The following CBFA2T3 variants were observed in gnomAD, a reference collection of about 807,000 sequenced individuals.
The protein encoded by CBFA2T3 is CBFA2/RUNX1 partner transcriptional co-repressor 3.
In CBFA2T3, 31 loss-of-function variants were observed where a neutral mutation model predicts 58.6. The observed-to-expected ratio is 0.53, with a 90% CI of 0.40 to 0.71. CBFA2T3 has a LOEUF of 0.71. Among genes scored for constraint, CBFA2T3 ranks in the 30% least tolerant of loss-of-function variants. The pLI is 0.00. For synonymous variants in CBFA2T3, 531 were observed against 421.9 expected (o/e 1.26, Z -3.17); for missense variants, 1,076 against 963.1 (o/e 1.12, Z -1.55).
At chr16:88,893,062 A>G (rs891559129) in intron 3 of CBFA2T3, among the ~76,000 whole-genome samples, 5 of 152,168 alleles carry the variant, frequency 3.3e-5, no homozygotes, top group African/African-American at 7.2e-5. Context: ...CTGGAGGCAC[A>G]GGAGACTTGG....
Position 88,901,635 on chromosome 16 carries a change from T to C in CBFA2T3, c.173A>G (p.Lys58Arg). Residue 58 changes from lysine to arginine, a missense_variant, in exon 2 of 12, where the codon AAG becomes AGG. Transcript: ENST00000268679. ...GGPAPVDRKAKASAMPDSPAE... is the reference protein window; with the variant it reads ...GGPAPVDRKARASAMPDSPAE... ...TGGGGAGTCCGGCATCGCTGAGGCCTTAGCTTTCCTGTCCACTGGGGCTGC... is the reference window on the plus strand; with the variant it reads ...TGGGGAGTCCGGCATCGCTGAGGCCCTAGCTTTCCTGTCCACTGGGGCTGC... 6.5e-7 allele frequency: 1 copy of C among 1,532,126 alleles called. No individual in the cohort carries two copies. Among genetic ancestry groups the C allele is most frequent in the East Asian group, 2.6e-5 (1 of 38,278 alleles). 94.9% of individuals were successfully genotyped at this position (1,532,126 alleles called of 1,614,324 possible).
At chr16:88,941,613 ACGGGCGCGCCGCCTCCTGCGGGGGGCGG>A (rs1235096505) in intron 1 of CBFA2T3, among the ~76,000 whole-genome samples, 7 of 143,426 alleles carry the variant, frequency 4.9e-5, no homozygotes, top group African/African-American at 7.8e-5. Context: ...GGAGGGGGCG[ACGGGCGCGCCGCCTCCTGCGGGGGGCGG>A]CGCGGGGAGG....
chr16:88,952,058 C>T (rs972751334), intron 1 of CBFA2T3, among the ~76,000 whole-genome samples: 1 of 152,218 alleles, frequency 6.6e-6, no homozygotes, highest in Admixed American at 6.5e-5. Flanking sequence ...GCCCCAGCAG[C>T]CCCAGGAGCC....
chr16:88,941,995 T>G (rs1021832829), intron 1 of CBFA2T3, among the ~76,000 whole-genome samples: 2 of 150,768 alleles, frequency 1.3e-5, no homozygotes, highest in African/African-American at 4.9e-5. Flanking sequence ...CCGGCAGGGG[T>G]CGCGCTCCCC....
In CBFA2T3 at chr16:88,952,790, C is replaced by T. The variant is rs117960233; in HGVS notation, c.151+23867G>A. 8.5e-4 allele frequency among the ~76,000 whole-genome samples: 129 copies of T among 152,232 alleles called. 2 individuals are homozygous for T. The East Asian group carries it at 0.022, about 26-fold the overall frequency. ...CATGACAGCCCATCACAATTGTTCA[C>T]GGATCTCTGTGTTCTCCCTCAACAA... On this transcript the variant is annotated intron_variant, in intron 1 of 11. Coordinates refer to ENST00000268679, the MANE Select transcript of CBFA2T3 (RefSeq NM_005187.6).
chr16:88,911,112 T>G (rs1970517036), intron 1 of CBFA2T3, among the ~76,000 whole-genome samples: 1 of 152,226 alleles, frequency 6.6e-6, no homozygotes, highest in Non-Finnish European at 1.5e-5. Flanking sequence ...CAAGTCCTAT[T>G]TCTCTCCCAG....
At chr16:88,892,089 G>C in intron 4 of CBFA2T3, 118 bp from the exon 5 acceptor site, 1 of 1,353,980 alleles carries the variant, frequency 7.4e-7, no homozygotes, top group Non-Finnish European at 1.0e-6. Context: ...CCCAGGAGCT[G>C]GGCACGGCCT....
chr16:88,889,175 G>A (rs924518110), intron 5 of CBFA2T3, among the ~76,000 whole-genome samples: 13 of 151,606 alleles, frequency 8.6e-5, no homozygotes, highest in Non-Finnish European at 1.8e-4. Flanking sequence ...GGCCGCTAAC[G>A]AACTGCAAAC....
chr16:88,901,562 G>C lies in CBFA2T3; in HGVS notation c.246C>G (p.Pro82=). The C allele has an allele frequency of 1.3e-6, 2 of 1,482,732 alleles. No homozygotes were observed. Among genetic ancestry groups the C allele is most frequent in the Non-Finnish European group, 1.8e-6 (2 of 1,120,800 alleles). The allele number at this position is 1,482,732 out of a possible 1,614,324, so 91.8% of individuals were successfully genotyped here. A position where few individuals can be genotyped will look rare whatever the true frequency, so the allele number is the denominator to read the frequency against. The change falls in exon 2 of 12, where the codon CCC becomes CCG. Residue 82 remains proline (P), a synonymous_variant. Coordinates refer to ENST00000268679, the MANE Select transcript of CBFA2T3 (RefSeq NM_005187.6). ...QPRSTPPSMP[P]PPPAASQGAT... Reference sequence around the variant, plus strand: ...CCCCCTGGGATGCGGCAGGCGGTGGGGGCGGCATGCTGGGGGGTGTGGACC... The same window carrying C: ...CCCCCTGGGATGCGGCAGGCGGTGGCGGCGGCATGCTGGGGGGTGTGGACC...
intron 1 of CBFA2T3, among the ~76,000 whole-genome samples, chr16:88,942,091 C>A (rs1202363616): frequency 6.6e-6 from 1 of 152,146 alleles, no homozygotes; most frequent in Admixed American, 6.5e-5. Context: ...ACTTTGCATT[C>A]ATTTGCATAT....
chr16:88,959,606 C>T (rs942532178), intron 1 of CBFA2T3, among the ~76,000 whole-genome samples: 1 of 152,144 alleles, frequency 6.6e-6, no homozygotes, highest in African/African-American at 2.4e-5. Flanking sequence ...GAGAGGGAAC[C>T]CAGGTGCAGG....
intron 1 of CBFA2T3, among the ~76,000 whole-genome samples, chr16:88,947,663 C>T (rs1971938535): frequency 6.6e-6 from 1 of 152,184 alleles, no homozygotes; most frequent in African/African-American, 2.4e-5. Context: ...CCTGTAATCC[C>T]AATGCTTTGG....
intron 1 of CBFA2T3, among the ~76,000 whole-genome samples, chr16:88,910,884 GC>G (rs1970509635): frequency 1.2e-5 from 1 of 81,872 alleles, no homozygotes; most frequent in Admixed American, 1.3e-4. Flanking sequence ...TCCCTCCCCT[GC>G]CCCCAGCCCC....
At chr16:88,903,809 G>A (rs1178179912) in intron 1 of CBFA2T3, among the ~76,000 whole-genome samples, 1 of 152,178 alleles carries the variant, frequency 6.6e-6, no homozygotes, top group African/African-American at 2.4e-5. Flanking sequence ...TCAAACGCCA[G>A]GCTGGCTCGG....
In CBFA2T3 at chr16:88,900,332, G is replaced by A. The variant is rs533525434; in HGVS notation, c.304+1172C>T. 3.9e-3 allele frequency among the ~76,000 whole-genome samples: 589 copies of A among 152,368 alleles called. 1 individual carries two copies. The highest frequency in any genetic ancestry group is 0.014 in the African/African-American group (563 of 41,590). ...CTCGGAGCCAACATCCTACAAACAGGGCCGCAAATCTGCTGCCTGACCGCA... is the reference window on the plus strand; with the variant it reads ...CTCGGAGCCAACATCCTACAAACAGAGCCGCAAATCTGCTGCCTGACCGCA... On this transcript the variant is annotated intron_variant, in intron 2 of 11. Coordinates refer to ENST00000268679, the MANE Select transcript of CBFA2T3 (RefSeq NM_005187.6).
intron 1 of CBFA2T3, chr16:88,951,328 G>A (rs1403689813): frequency 2.2e-6 from 1 of 457,560 alleles, no homozygotes; most frequent in South Asian, 1.5e-5. Context: ...CCTGTCTTCT[G>A]GGTCTCCATC....
At chr16:88,932,135 G>A (rs1323052928) in intron 1 of CBFA2T3, among the ~76,000 whole-genome samples, 5 of 151,500 alleles carry the variant, frequency 3.3e-5, no homozygotes, top group Non-Finnish European at 7.4e-5. Context: ...TGCTGTCGTC[G>A]GGAAGACAGC....
At chr16:88,940,814 C>T (rs1478439252) in intron 1 of CBFA2T3, among the ~76,000 whole-genome samples, 1 of 152,166 alleles carries the variant, frequency 6.6e-6, no homozygotes, top group Non-Finnish European at 1.5e-5. Context: ...TTCGCCGCAG[C>T]CCCCGCAGGT....
At chr16:88,926,443 G>T (rs920087324) in intron 1 of CBFA2T3, among the ~76,000 whole-genome samples, 7 of 152,196 alleles carry the variant, frequency 4.6e-5, no homozygotes, top group South Asian at 2.1e-4. Flanking sequence ...GCTCAGCCCT[G>T]TGCTGTGGTT....
Sources: allele counts gnomAD v4.1 joint callset (sites outside exome capture counted in the v4.1 genomes callset), GRCh38; gene constraint gnomAD v4.1.1; transcripts MANE v1.5; gene names NCBI Gene and HGNC (gene_info 2026-07-23, HGNC 2026-07-21).